CDH15: variants seen among roughly 807,000 people sequenced by gnomAD.
The protein encoded by CDH15 is cadherin 15, also known as cadherin-15.
A neutral mutation model predicts 69.4 loss-of-function variants in CDH15; 73 were observed. The ratio of observed to expected loss-of-function variants is 1.05; its 90% CI spans 0.87 to 1.28. The LOEUF (loss-of-function observed/expected upper bound fraction) is 1.28. Ranked by LOEUF, CDH15 falls within the 50% of genes most tolerant of loss-of-function variation. CDH15 has a pLI of 0.00. For synonymous variants in CDH15, 624 were observed against 507.7 expected, an observed-to-expected ratio of 1.23 and a Z score of -3.08; for missense variants, 1,343 against 1,133.6, an observed-to-expected ratio of 1.18 and a Z score of -2.65.
At position 89,190,286 on chromosome 16, in the gene CDH15, C is replaced by T. The variant is rs751025672; in HGVS notation, c.1022C>T (p.Ser341Leu). The change falls in exon 8 of 14, where the codon TCG becomes TTG. Residue 341 changes from serine (S) to leucine (L), a missense_variant. Ser to Leu is a moderately radical substitution (Grantham distance 145, BLOSUM62 -2). Coordinates refer to ENST00000289746, the MANE Select transcript of CDH15 (RefSeq NM_004933.3). ...TGTGAACACTACGAACTCAAAGTGT[C>T]GGTGCAGAATGAGGCCCCGCTGCAG... ...ESCEHYELKV[S>L]VQNEAPLQAA... The T allele has an allele frequency of 7.4e-6, 12 of 1,612,574 alleles. No homozygotes were observed. Among genetic ancestry groups the T allele is most frequent in the Admixed American group, 3.3e-5 (2 of 59,944 alleles).
intron 1 of CDH15, among the ~76,000 whole-genome samples, chr16:89,173,046 C>A (rs74033421): frequency 6.6e-6 from 1 of 152,068 alleles, no homozygotes; most frequent in Non-Finnish European, 1.5e-5. Context: ...GCTGACCAGG[C>A]GCCTGGCCAG....
intron 11 of CDH15, 137 bp downstream of exon 11, chr16:89,192,581 C>G: frequency 1.7e-6 from 1 of 603,066 alleles, no homozygotes; most frequent in Non-Finnish European, 2.9e-6. Flanking sequence ...TTACCAGCCA[C>G]GCCGCTTCCT....
chr16:89,185,238 C>A lies in CDH15; in HGVS notation c.568C>A (p.Arg190=). The A allele has an allele frequency of 1.2e-6, 2 of 1,605,634 alleles. No homozygotes were observed. Among genetic ancestry groups the A allele is most frequent in the Non-Finnish European group, 1.7e-6 (2 of 1,176,512 alleles). The change falls in exon 5 of 14, where the codon CGG becomes AGG. Residue 190 remains arginine, a synonymous_variant. Coordinates refer to ENST00000289746, the MANE Select transcript of CDH15 (RefSeq NM_004933.3). ...CCCCGAGACGGACAACGCAGCGCTGCGGTTCTCCATCCTGCAGCAGGGCAG... is the reference window on the plus strand; with the variant it reads ...CCCCGAGACGGACAACGCAGCGCTGAGGTTCTCCATCCTGCAGCAGGGCAG... ...DDPETDNAAL[R]FSILQQGSPE... is the part of the protein sequence containing the mutation.
At chr16:89,174,310 T>C (rs1247949843) in intron 1 of CDH15, among the ~76,000 whole-genome samples, 1 of 151,954 alleles carries the variant, frequency 6.6e-6, no homozygotes, top group Non-Finnish European at 1.5e-5. Context: ...GGGGAGGGGT[T>C]GAAGCCTGAG....
chr16:89,181,113 G>A (rs921649818), intron 3 of CDH15, among the ~76,000 whole-genome samples: 4 of 152,046 alleles, frequency 2.6e-5, no homozygotes, highest in Non-Finnish European at 5.9e-5. Context: ...GGGATTACAG[G>A]CTCCACCACC....
At chr16:89,181,866 G>A (rs2151599805) in intron 3 of CDH15, among the ~76,000 whole-genome samples, 1 of 151,844 alleles carries the variant, frequency 6.6e-6, no homozygotes, top group South Asian at 2.1e-4. Flanking sequence ...TGGAACCCGG[G>A]AGGCGAAGGT....
In CDH15 at chr16:89,185,190, G is replaced by T; in HGVS notation, c.520G>T (p.Ala174Ser). The T allele has an allele frequency of 6.2e-7, 1 of 1,602,250 alleles. No homozygotes were observed. Among genetic ancestry groups the T allele is most frequent in the Non-Finnish European group, 8.5e-7 (1 of 1,175,416 alleles). The change falls in exon 5 of 14, where the codon GCA (alanine) becomes TCA (serine). Residue 174 changes from alanine (A) to serine (S), a missense_variant. By Grantham distance (99) the Ala-to-Ser change is moderately conservative (BLOSUM62 1). Transcript: ENST00000289746. ...CTTCCCAGGCACCTATGTGACCAGG[G>T]CAGAGGCCACAGATGCCGACGACCC... ...GAVPGTYVTR[A>S]EATDADDPET... is the part of the protein sequence containing the mutation.
At position 89,184,520 on chromosome 16, in the gene CDH15, G is replaced by A. The variant is rs564503733; in HGVS notation, c.503-653G>A. 4.9e-4 allele frequency among the ~76,000 whole-genome samples: 75 copies of A among 152,296 alleles called. 1 individual carries two copies. The South Asian group carries it at 0.013, about 27-fold the overall frequency. ...GAGTACCGCTTCCCACAGCAGGTGG[G>A]GCGGGGGCTCTGGCCTACACAGTCA... On this transcript the variant is annotated intron_variant, in intron 4 of 13. Coordinates refer to ENST00000289746, the MANE Select transcript of CDH15 (RefSeq NM_004933.3).
rs1487270923 is a variant in CDH15, at chr16:89,190,482, G to A, written c.1218G>A (p.Gln406=). 5.0e-6 allele frequency: 8 copies of A among 1,594,744 alleles called. No homozygotes were observed. The South Asian group carries it at 6.8e-5, about 14-fold the overall frequency. The part of the protein sequence containing the change: ...TFSARDPDTE[Q]LQRLSYSKDY... ...CTGCCCGGGACCCTGACACAGAGCA[G>A]CTGCAGAGGCTCAGGTGGGGCTCCT... The change falls in exon 8 of 14, where the codon CAG becomes CAA. Residue 406 remains glutamine, a synonymous_variant. Coordinates refer to ENST00000289746, the MANE Select transcript of CDH15 (RefSeq NM_004933.3).
Position 89,171,807 on chromosome 16 carries a change from C to T in CDH15, c.-25C>T, listed in dbSNP as rs139759411. 0.025 allele frequency: 38,437 copies of T among 1,547,734 alleles called. 1,253 individuals carry two copies. Among genetic ancestry groups the T allele is most frequent in the South Asian group, 0.13 (10,607 of 84,366 alleles). On this transcript the variant is annotated 5_prime_UTR_variant, in exon 1 of 14. Coordinates refer to ENST00000289746, the MANE Select transcript of CDH15 (RefSeq NM_004933.3). Reference sequence around the variant, plus strand: ...GCTTCTTCGGGTCGCGGGTGCACTCCGGCCCGGCTCCCGCCTCGGCCCCGA... The same window carrying T: ...GCTTCTTCGGGTCGCGGGTGCACTCTGGCCCGGCTCCCGCCTCGGCCCCGA...
At chr16:89,188,023 G>C in intron 6 of CDH15, 77 bp from the exon 7 acceptor site, 2 of 1,338,934 alleles carry the variant, frequency 1.5e-6, no homozygotes, top group South Asian at 2.5e-5. Context: ...GGGGAGGGTG[G>C]GCTGAGGGCC....
chr16:89,194,024 A>G, intron 13 of CDH15, 111 bp downstream of exon 13: 2 of 1,226,266 alleles, frequency 1.6e-6, no homozygotes, highest in Non-Finnish European at 2.3e-6. Context: ...GCATGCACTT[A>G]TGGGCCGTCC....
intron 1 of CDH15, among the ~76,000 whole-genome samples, 196 bp downstream of exon 1, chr16:89,172,069 A>G (rs1451972410): frequency 6.6e-6 from 1 of 151,950 alleles, no homozygotes; most frequent in Admixed American, 6.5e-5. Flanking sequence ...GAGTGTAACC[A>G]AACACTCCAT....
Position 89,192,433 on chromosome 16 carries a change from T to G in CDH15, c.1844T>G (p.Leu615Arg). 1 of 1,557,490 alleles carries G rather than the reference T, an allele frequency of 6.4e-7. No homozygotes were observed. Among genetic ancestry groups the G allele is most frequent in the South Asian group, 1.2e-5 (1 of 86,024 alleles). The change falls in exon 11 of 14, where the codon CTC becomes CGC. Residue 615 changes from leucine to arginine, a missense_variant. Physicochemically the swap from Leu to Arg is moderately radical, Grantham distance 102 (BLOSUM62 -2). Coordinates refer to ENST00000289746, the MANE Select transcript of CDH15 (RefSeq NM_004933.3). ...GALVIVLASALLLLVLVLLVA... is the reference protein window; with the variant it reads ...GALVIVLASARLLLVLVLLVA... The stretch of plus-strand genomic sequence containing the variant: ...CTGGTCATCGTGCTGGCCAGCGCCC[T>G]CCTGCTGCTGGGTGAGTGAGCGCCC...
intron 1 of CDH15, among the ~76,000 whole-genome samples, chr16:89,172,425 C>G (rs536083678): frequency 2.6e-5 from 4 of 152,162 alleles, no homozygotes; most frequent in African/African-American, 4.8e-5. Context: ...GGGCCCAGCC[C>G]GAGCCAGGTC....
rs191491461 is a variant in CDH15 at position 89,191,402 on chromosome 16, C to G, written c.1305C>G (p.His435Gln). Residue 435 changes from histidine (H) to glutamine (Q), a missense_variant, in exon 9 of 14, where the codon CAC becomes CAG. Physicochemically the swap from His to Gln is conservative, Grantham distance 24. Transcript: ENST00000289746. ...CCACTGGCCGGATCCAGACCCAGCACGTGCTCAGCCCGGCGTCCCCCTTCC... is the reference window on the plus strand; with the variant it reads ...CCACTGGCCGGATCCAGACCCAGCAGGTGCTCAGCCCGGCGTCCCCCTTCC... Reference protein sequence around the residue: ...DAATGRIQTQHVLSPASPFLK... With the variant: ...DAATGRIQTQQVLSPASPFLK... 5.4e-5 allele frequency: 87 copies of G among 1,612,814 alleles called. No individual in the cohort carries two copies. The highest frequency in any genetic ancestry group is 6.7e-5 in the Non-Finnish European group (79 of 1,180,002).
At chr16:89,181,751 A>T (rs1265869337) in intron 3 of CDH15, among the ~76,000 whole-genome samples, 1 of 152,064 alleles carries the variant, frequency 6.6e-6, no homozygotes, top group Non-Finnish European at 1.5e-5. Context: ...CATCCTGGCT[A>T]ACATGGTGAA....
chr16:89,173,831 C>T (rs1483141505), intron 1 of CDH15, among the ~76,000 whole-genome samples: 1 of 152,230 alleles, frequency 6.6e-6, no homozygotes, highest in East Asian at 1.9e-4. Context: ...CCTGCTGCAC[C>T]TACACCATCC....
chr16:89,183,709 G>C lies in CDH15; in HGVS notation c.502+17G>C, dbSNP rs942334397. 12 of 1,581,508 alleles carry C rather than the reference G, an allele frequency of 7.6e-6. No individual in the cohort carries two copies. The African/African-American group carries it at 1.3e-4, about 18-fold the overall frequency. Reference sequence around the variant, plus strand: ...CAGTCCCAGGTGAGACAGGACCACAGCCCCGGGCCGGGAGGGGCTGCAAGG... The same window carrying C: ...CAGTCCCAGGTGAGACAGGACCACACCCCCGGGCCGGGAGGGGCTGCAAGG... On this transcript the variant is annotated intron_variant, in intron 4 of 13. Coordinates refer to ENST00000289746, the MANE Select transcript of CDH15 (RefSeq NM_004933.3).
Sources: allele counts gnomAD v4.1 joint callset (sites outside exome capture counted in the v4.1 genomes callset), GRCh38; gene constraint gnomAD v4.1.1; transcripts MANE v1.5; gene names NCBI Gene and HGNC (gene_info 2026-07-23, HGNC 2026-07-21).